NEURL1B: variants seen among roughly 807,000 people sequenced by gnomAD.
NEURL1B encodes neuralized E3 ubiquitin protein ligase 1B.
A neutral mutation model predicts 37.4 loss-of-function variants in NEURL1B; 13 were observed. That is an observed-to-expected ratio of 0.35 (90% CI 0.23 to 0.55). NEURL1B has a LOEUF of 0.55. Among genes scored for constraint, NEURL1B ranks in the 20% least tolerant of loss-of-function variants. The pLI is 0.89. For missense variants in NEURL1B, 790 were observed against 879.2 expected, an observed-to-expected ratio of 0.90 and a Z score of 1.28; for synonymous variants, 432 against 426.6, an observed-to-expected ratio of 1.01 and a Z score of -0.16.
rs910929138 is a variant in NEURL1B at position 172,641,382 on chromosome 5, C to A, written c.-25C>A. ...CCTCCGCGCGCCCAGAGCGCGCCGC[C>A]GCCAACGCCGCGCCCGACGCAGCGA... On this transcript the variant is annotated 5_prime_UTR_variant, in exon 1 of 5. Coordinates refer to ENST00000369800, the MANE Select transcript of NEURL1B (RefSeq NM_001142651.3). The surrounding 1 kb of genome is among the most constrained non-coding windows in gnomAD (Gnocchi z 6.4). 26 of 1,385,950 alleles carry A rather than the reference C, an allele frequency of 1.9e-5. 1 individual carries two copies. The South Asian group carries it at 3.3e-4, about 18-fold the overall frequency. 85.9% of individuals were successfully genotyped at this position (1,385,950 alleles called of 1,614,324 possible). A position where few individuals can be genotyped will look rare whatever the true frequency, so the allele number is the denominator to read the frequency against.
intron 1 of NEURL1B, among the ~76,000 whole-genome samples, chr5:172,658,487 C>T (rs187753128): frequency 7.2e-5 from 11 of 152,296 alleles, no homozygotes; most frequent in Admixed American, 6.5e-4. Flanking sequence ...GGACGAGACA[C>T]GCATCAGAGT....
In NEURL1B at chr5:172,683,856, G is replaced by A; in HGVS notation, c.1015G>A (p.Ala339Thr). ...RPGLAAPGAL[A>T]FGITSCDPGV... ...GGGGCTGGCGGCGCCCGGCGCGCTGGCCTTCGGCATCACGTCGTGCGACCC... is the reference window on the plus strand; with the variant it reads ...GGGGCTGGCGGCGCCCGGCGCGCTGACCTTCGGCATCACGTCGTGCGACCC... The change falls in exon 3 of 5, where the codon GCC becomes ACC. Residue 339 changes from alanine (A) to threonine (T), a missense_variant. Around this residue, in one of 3 missense-constraint regions of NEURL1B, gnomAD observed 460 missense variants for 407.4 expected, o/e 1.13. Coordinates refer to ENST00000369800, the MANE Select transcript of NEURL1B (RefSeq NM_001142651.3). This position sits in a 1 kb window ranked among gnomAD's most constrained non-coding sequence, Gnocchi z 5.6. 1.5e-6 allele frequency: 2 copies of A among 1,365,172 alleles called. No individual in the cohort carries two copies. The highest frequency in any genetic ancestry group is 1.9e-6 in the Non-Finnish European group (2 of 1,054,786). 84.6% of individuals were successfully genotyped at this position (1,365,172 alleles called of 1,614,324 possible).
intron 2 of NEURL1B, among the ~76,000 whole-genome samples, chr5:172,672,540 T>TCCCCCCC (rs9313602): frequency 1.5e-5 from 2 of 136,194 alleles, no homozygotes; most frequent in Non-Finnish European, 3.1e-5. Context: ...AGGTGAACTC[T>TCCCCCCC]CCCCCCCCCA....
Position 172,686,623 on chromosome 5 carries a change from A to G in NEURL1B, c.1424-58A>G. ...AGCCCTGCATTCTCGGGGTTGCCCC[A>G]ACAGAGCCCACCTGAGAGAGACATT... On this transcript the variant is annotated intron_variant, in intron 4 of 4. Transcript: ENST00000369800. This position sits in a 1 kb window ranked among gnomAD's most constrained non-coding sequence, Gnocchi z 7.9. The G allele has an allele frequency of 6.6e-7, 1 of 1,516,430 alleles. No homozygotes were observed. The allele number at this position is 1,516,430 out of a possible 1,614,324, so 93.9% of individuals were successfully genotyped here.
chr5:172,670,341 G>A lies in NEURL1B; in HGVS notation c.577+11G>A. The stretch of plus-strand genomic sequence containing the variant: ...AGGTGCAGCTTCTGGGTAGGTCGCG[G>A]GCGCGGCGCCCCCTGGGGACCTGGC... On this transcript the variant is annotated intron_variant, in intron 2 of 4. Coordinates refer to ENST00000369800, the MANE Select transcript of NEURL1B (RefSeq NM_001142651.3). 7.4e-7 allele frequency: 1 copy of A among 1,348,134 alleles called. No homozygotes were observed. The highest frequency in any genetic ancestry group is 9.5e-7 in the Non-Finnish European group (1 of 1,053,380). 83.5% of individuals were successfully genotyped at this position (1,348,134 alleles called of 1,614,324 possible).
Position 172,669,924 on chromosome 5 carries a change from C to T in NEURL1B, c.171C>T (p.Arg57=), listed in dbSNP as rs981310833. 16 of 1,452,150 alleles carry T rather than the reference C, an allele frequency of 1.1e-5. No individual in the cohort carries two copies. The highest frequency in any genetic ancestry group is 1.5e-5 in the African/African-American group (1 of 66,730). The allele number at this position is 1,452,150 out of a possible 1,614,324, so 90.0% of individuals were successfully genotyped here. A position where few individuals can be genotyped will look rare whatever the true frequency, so the allele number is the denominator to read the frequency against. ...ACGTGCGGCTGGACGGCCACTCGCG[C>T]CGGGCCACACGGCGCAACAGCTTCT... The part of the protein sequence containing the change: ...GKNVRLDGHS[R]RATRRNSFCN... The change falls in exon 2 of 5, where the codon CGC becomes CGT. Residue 57 remains arginine (R), a synonymous_variant. Coordinates refer to ENST00000369800, the MANE Select transcript of NEURL1B (RefSeq NM_001142651.3).
In NEURL1B at chr5:172,662,699, G is replaced by A. The variant is rs986935816; in HGVS notation, c.32-7086G>A. Among the ~76,000 whole-genome samples the A allele has an allele frequency of 8.5e-5, 13 of 152,290 alleles. No homozygotes were observed. In the Middle Eastern group the frequency reaches 0.01, roughly 120 times the overall value. On this transcript the variant is annotated intron_variant, in intron 1 of 4. Coordinates refer to ENST00000369800, the MANE Select transcript of NEURL1B (RefSeq NM_001142651.3). ...TCCAGAGCCCATGAAGTAAATCTCA[G>A]AGCCACCCAGGAAGCAGTTCTTATG...
intron 2 of NEURL1B, among the ~76,000 whole-genome samples, chr5:172,677,155 C>G (rs1307789767): frequency 6.6e-6 from 1 of 151,962 alleles, no homozygotes; most frequent in African/African-American, 2.4e-5. Flanking sequence ...CAGGCAGAGC[C>G]CCAGTGGGAG....
At chr5:172,643,201 A>G (rs1757500459) in intron 1 of NEURL1B, among the ~76,000 whole-genome samples, 1 of 151,890 alleles carries the variant, frequency 6.6e-6, no homozygotes, top group African/African-American at 2.4e-5. Flanking sequence ...GGGAATTCAG[A>G]CTCTTCTCTG....
At chr5:172,681,987 C>G (rs546461894) in intron 2 of NEURL1B, among the ~76,000 whole-genome samples, 1 of 152,312 alleles carries the variant, frequency 6.6e-6, no homozygotes, top group South Asian at 2.1e-4. Context: ...GCATAGCAGT[C>G]TCTTCTAGAC....
Position 172,657,634 on chromosome 5 carries a change from G to A in NEURL1B, c.32-12151G>A, listed in dbSNP as rs1310881391. Among the ~76,000 whole-genome samples the A allele has an allele frequency of 6.6e-6, 1 of 152,164 alleles. No individual in the cohort carries two copies. The highest frequency in any genetic ancestry group is 2.1e-4 in the South Asian group (1 of 4,834). ...ACGCCCGCATAAGGGTTGCTTGAGG[G>A]CTCCTTGGTCAAGTGGTAACGCCGG... On this transcript the variant is annotated intron_variant, in intron 1 of 4. Transcript: ENST00000369800. This position sits in a 1 kb window ranked among gnomAD's most constrained non-coding sequence, Gnocchi z 4.0.
rs1758561772 is a variant in NEURL1B at position 172,688,608 on chromosome 5, A to G, written c.*1683A>G. Reference sequence around the variant, plus strand: ...CCTGTTCCTCCTCTAGCTGGGAGTAATCACAGTTGTCTGACCTGATTCCAA... The same window carrying G: ...CCTGTTCCTCCTCTAGCTGGGAGTAGTCACAGTTGTCTGACCTGATTCCAA... On this transcript the variant is annotated 3_prime_UTR_variant, in exon 5 of 5. Coordinates refer to ENST00000369800, the MANE Select transcript of NEURL1B (RefSeq NM_001142651.3). This position sits in a 1 kb window ranked among gnomAD's most constrained non-coding sequence, Gnocchi z 4.3. 1 of 152,194 alleles carries G rather than the reference A, an allele frequency of 6.6e-6. No individual in the cohort carries two copies. Among genetic ancestry groups the G allele is most frequent in the Admixed American group, 6.5e-5 (1 of 15,282 alleles). The allele number at this position is 152,194 out of a possible 1,614,324, so 9.4% of individuals were successfully genotyped here.
intron 1 of NEURL1B, among the ~76,000 whole-genome samples, chr5:172,667,334 T>C (rs1249860360): frequency 7.0e-6 from 1 of 142,484 alleles, no homozygotes. Context: ...CAATCCCAGC[T>C]ACTCGGGAGG....
At chr5:172,684,596 A>C (rs1758446965) in intron 3 of NEURL1B, among the ~76,000 whole-genome samples, 1 of 152,122 alleles carries the variant, frequency 6.6e-6, no homozygotes, top group Non-Finnish European at 1.5e-5. Context: ...TCGACTGCAC[A>C]TGAAAGAGGA....
chr5:172,643,964 T>C (rs1264968939), intron 1 of NEURL1B, among the ~76,000 whole-genome samples: 1 of 151,974 alleles, frequency 6.6e-6, no homozygotes, highest in Non-Finnish European at 1.5e-5. Context: ...CCAGGCTTCC[T>C]TGGGGTCTCT....
Position 172,675,839 on chromosome 5 carries a change from C to A in NEURL1B, c.577+5509C>A, listed in dbSNP as rs1284946583. On this transcript the variant is annotated intron_variant, in intron 2 of 4. Transcript: ENST00000369800. The surrounding 1 kb of genome is among the most constrained non-coding windows in gnomAD (Gnocchi z 4.7). ...TTTTTTCATGTTTTGTGCCCAAAAA[C>A]TTCAGAGTTTGTAGCATTTCACATT... Among the ~76,000 whole-genome samples, 4 of 152,196 alleles carry A rather than the reference C, an allele frequency of 2.6e-5. No individual in the cohort carries two copies. The highest frequency in any genetic ancestry group is 9.7e-5 in the African/African-American group (4 of 41,446).
At position 172,657,894 on chromosome 5, in the gene NEURL1B, G is replaced by A. The variant is rs1234187569; in HGVS notation, c.32-11891G>A. Among the ~76,000 whole-genome samples the A allele has an allele frequency of 6.6e-6, 1 of 152,212 alleles. No homozygotes were observed. Among genetic ancestry groups the A allele is most frequent in the African/African-American group, 2.4e-5 (1 of 41,462 alleles). ...TCCTGGTTCCTCTTTGAAGTTCGTA[G>A]TAGATAGTGGTAGAAGGAATAGGGA... is the stretch of plus-strand genomic sequence containing the variant. On this transcript the variant is annotated intron_variant, in intron 1 of 4. Transcript: ENST00000369800. The surrounding 1 kb of genome is among the most constrained non-coding windows in gnomAD (Gnocchi z 4.0).
intron 1 of NEURL1B, chr5:172,662,102 T>G (rs1757914066): frequency 6.6e-6 from 1 of 152,118 alleles, no homozygotes; most frequent in South Asian, 2.1e-4. Context: ...CTAAATAAGG[T>G]GGTTAAAGGA....
chr5:172,651,365 T>C (rs1301394339), intron 1 of NEURL1B, among the ~76,000 whole-genome samples: 1 of 152,220 alleles, frequency 6.6e-6, no homozygotes, highest in Non-Finnish European at 1.5e-5. Flanking sequence ...TAAGTGCACC[T>C]ATCATGGCTG....
Sources: allele counts gnomAD v4.1 joint callset (sites outside exome capture counted in the v4.1 genomes callset), GRCh38; gene constraint gnomAD v4.1.1; regional missense constraint gnomAD v4.1.1; non-coding constraint Gnocchi (gnomAD v3.1); transcripts MANE v1.5; gene names NCBI Gene and HGNC (gene_info 2026-07-23, HGNC 2026-07-21).